ABCB11: variants seen among roughly 807,000 people sequenced by gnomAD.
The protein encoded by ABCB11 is bile salt export pump.
ABCB11 carries 95 observed loss-of-function variants against 148.0 expected under a neutral mutation model. That is an observed-to-expected ratio of 0.64 (90% CI 0.54 to 0.76). The LOEUF (loss-of-function observed/expected upper bound fraction) is 0.76, where lower values mean the gene tolerates loss of function less well. ABCB11 is among the 30% of genes least tolerant of loss of function. The pLI is 0.00. For synonymous variants in ABCB11, 591 were observed against 555.4 expected (o/e 1.06, Z -0.90); for missense variants, 1,523 against 1,617.8 (o/e 0.94, Z 1.01).
In ABCB11 at chr2:168,923,611, C is replaced by T. The variant is rs1288528178; in HGVS notation, c.*11G>A. The stretch of plus-strand genomic sequence containing the variant: ...TGGTGCGTCATGTGTGTCTGAGATT[C>T]TTGCATTGGGTCAACTGATGGGGGA... On this transcript the variant is annotated 3_prime_UTR_variant, in exon 28 of 28. Transcript: ENST00000650372. 6.2e-7 allele frequency: 1 copy of T among 1,613,422 alleles called. No individual in the cohort carries two copies. Among genetic ancestry groups the T allele is most frequent in the African/African-American group, 1.3e-5 (1 of 74,818 alleles).
chr2:168,923,110 T>C lies in ABCB11; in HGVS notation c.*512A>G, dbSNP rs1318143070. On this transcript the variant is annotated 3_prime_UTR_variant, in exon 28 of 28. Coordinates refer to ENST00000650372, the MANE Select transcript of ABCB11 (RefSeq NM_003742.4). Reference sequence around the variant, plus strand: ...AGCTGGTTTCACTTGAAAGACAAATTTAGTTAAGAAACACAGCTGGTCTTC... The same window carrying C: ...AGCTGGTTTCACTTGAAAGACAAATCTAGTTAAGAAACACAGCTGGTCTTC... 1.3e-5 allele frequency: 2 copies of C among 156,040 alleles called. No individual in the cohort carries two copies. The highest frequency in any genetic ancestry group is 2.8e-5 in the Non-Finnish European group (2 of 70,390). The allele number at this position is 156,040 out of a possible 1,614,324, so 9.7% of individuals were successfully genotyped here.
chr2:168,958,169 T>G (rs764106061), intron 18 of ABCB11, 41 bp from the exon 19 acceptor site: 12 of 1,579,044 alleles, frequency 7.6e-6, no homozygotes, highest in Non-Finnish European at 1.0e-5. Flanking sequence ...CTAAATGTAC[T>G]CAAGACATTT....
downstream of ABCB11, among the ~76,000 whole-genome samples, chr2:168,920,430 C>T (rs1436916100): frequency 3.3e-5 from 5 of 152,020 alleles, no homozygotes; most frequent in Admixed American, 2.0e-4. Flanking sequence ...CTAATTATTG[C>T]ACCACCTGAA....
chr2:169,024,696 G>A (rs13429894), intron 1 of ABCB11, among the ~76,000 whole-genome samples: 86,386 of 151,840 alleles, frequency 0.57, 24,795 homozygotes, highest in South Asian at 0.63. Context: ...AGGATACCAA[G>A]TTTATAATGT....
chr2:169,026,141 T>C (rs1406281275), intron 1 of ABCB11, among the ~76,000 whole-genome samples: 1 of 152,214 alleles, frequency 6.6e-6, no homozygotes, highest in African/African-American at 2.4e-5. Context: ...AACTTTGAGG[T>C]TGGTACTCTG....
intron 24 of ABCB11, 26 bp downstream of exon 24, chr2:168,932,351 T>C (rs1485991838): frequency 1.3e-6 from 2 of 1,540,998 alleles, no homozygotes; most frequent in South Asian, 1.2e-5. Flanking sequence ...TCCTTTTTTA[T>C]GGCTGCATAG....
In ABCB11 at chr2:168,924,877, G is replaced by T; in HGVS notation, c.3619-74C>A. The T allele has an allele frequency of 5.6e-6, 7 of 1,254,408 alleles. No homozygotes were observed. In the South Asian group the frequency reaches 1.1e-4, roughly 19 times the overall value. 77.7% of individuals were successfully genotyped at this position (1,254,408 alleles called of 1,614,324 possible). On this transcript the variant is annotated intron_variant, in intron 26 of 27. Coordinates refer to ENST00000650372, the MANE Select transcript of ABCB11 (RefSeq NM_003742.4). ...TGTGCTGTACTGAACTCATGTCAAG[G>T]TCTCCTCTGTAATTTAAATTATTTG...
At chr2:169,016,402 A>G (rs1355782255) in intron 3 of ABCB11, among the ~76,000 whole-genome samples, 1 of 152,184 alleles carries the variant, frequency 6.6e-6, no homozygotes, top group Admixed American at 6.5e-5. Context: ...CAAAATCTTT[A>G]GCTGAACAGA....
chr2:169,013,931 C>T (rs528324368), intron 4 of ABCB11, among the ~76,000 whole-genome samples: 8 of 152,172 alleles, frequency 5.3e-5, no homozygotes, highest in Admixed American at 2.6e-4. Flanking sequence ...CCAATTTCTG[C>T]CTAGAAATGC....
At chr2:168,975,912 G>A (rs1574458088) in intron 12 of ABCB11, among the ~76,000 whole-genome samples, 1 of 151,516 alleles carries the variant, frequency 6.6e-6, no homozygotes, top group African/African-American at 2.4e-5. Flanking sequence ...AGAGTGGCTA[G>A]AGATACTCTG....
At chr2:168,928,158 A>G in intron 25 of ABCB11, among the ~76,000 whole-genome samples, 1 of 152,216 alleles carries the variant, frequency 6.6e-6, no homozygotes. Context: ...AGTAATGGAA[A>G]AAGCAAACAC....
chr2:168,970,526 T>A, intron 14 of ABCB11: 1 of 472,492 alleles, frequency 2.1e-6, no homozygotes, highest in Non-Finnish European at 3.7e-6. Flanking sequence ...AATATCTATC[T>A]CAGAGGATTA....
chr2:169,014,209 C>T (rs1695283045), intron 4 of ABCB11, 94 bp downstream of exon 4: 1 of 1,277,662 alleles, frequency 7.8e-7, no homozygotes, highest in Non-Finnish European at 1.1e-6. Context: ...AAGTTAAAAA[C>T]CTGCCAATAT....
intron 5 of ABCB11, among the ~76,000 whole-genome samples, chr2:169,006,483 A>G (rs920489683): frequency 1.3e-5 from 2 of 152,194 alleles, no homozygotes; most frequent in African/African-American, 4.8e-5. Context: ...TAGGAATAAG[A>G]CAAGGATGTG....
intron 17 of ABCB11, 51 bp downstream of exon 17, chr2:168,968,376 C>G: frequency 1.3e-6 from 2 of 1,533,860 alleles, no homozygotes; most frequent in Non-Finnish European, 1.8e-6. Context: ...CTACAGAGGA[C>G]TCCTCAGAAT....
chr2:169,013,606 C>T, intron 4 of ABCB11, 96 bp from the exon 5 acceptor site: 1 of 923,276 alleles, frequency 1.1e-6, no homozygotes, highest in Non-Finnish European at 1.6e-6. Context: ...ATGAATAGTA[C>T]TCAACACCAA....
chr2:168,923,905 C>A (rs540473179), intron 27 of ABCB11, 83 bp from the exon 28 acceptor site: 3 of 1,331,860 alleles, frequency 2.3e-6, no homozygotes, highest in East Asian at 4.7e-5. Context: ...TTAACACGAC[C>A]TGAATAACAA....
At chr2:168,920,770 G>T (rs1390492620), downstream of ABCB11, among the ~76,000 whole-genome samples, 1 of 152,010 alleles carries the variant, frequency 6.6e-6, no homozygotes, top group Non-Finnish European at 1.5e-5. Context: ...AGACATCATC[G>T]CCCCCTGGTG....
chr2:168,955,923 C>T lies in ABCB11; in HGVS notation c.2343+2041G>A, dbSNP rs556675945. ...CTCCAGGCCACATGCAGGTCCAAAA[C>T]CCAGCATGGCAGTCGTTAAATCTTA... On this transcript the variant is annotated intron_variant, in intron 19 of 27. Coordinates refer to ENST00000650372, the MANE Select transcript of ABCB11 (RefSeq NM_003742.4). 3.3e-5 allele frequency among the ~76,000 whole-genome samples: 5 copies of T among 151,736 alleles called. No homozygotes were observed. The East Asian group carries it at 9.8e-4, about 30-fold the overall frequency.
Sources: allele counts gnomAD v4.1 joint callset (sites outside exome capture counted in the v4.1 genomes callset), GRCh38; gene constraint gnomAD v4.1.1; transcripts MANE v1.5; gene names NCBI Gene and HGNC (gene_info 2026-07-23, HGNC 2026-07-21).